CCT2: variants seen among roughly 807,000 people sequenced by gnomAD.
The protein encoded by CCT2 is T-complex protein 1 subunit beta.
CCT2 carries 18 observed loss-of-function variants against 61.8 expected under a neutral mutation model. That is an observed-to-expected ratio of 0.29 (90% CI 0.20 to 0.43). The LOEUF is 0.43. CCT2 is among the 20% of genes least tolerant of loss of function. The pLI, the probability that CCT2 is intolerant of heterozygous loss-of-function variation, is 1.00. For synonymous variants in CCT2, 248 were observed against 215.9 expected (o/e 1.15, Z -1.30); for missense variants, 556 against 656.9 (o/e 0.85, Z 1.68).
chr12:69,592,492 CAAA>C, intron 8 of CCT2: 8 of 159,642 alleles, frequency 5.0e-5, no homozygotes, highest in East Asian at 3.6e-4. Context: ...TCAAAAGTCT[CAAA>C]AAAAAAAAAA....
intron 3 of CCT2, 26 bp downstream of exon 3, chr12:69,586,844 T>G: frequency 6.9e-7 from 1 of 1,439,500 alleles, no homozygotes; most frequent in Non-Finnish European, 9.6e-7. Flanking sequence ...AAGTTTTATA[T>G]TTTAATATTG....
chr12:69,595,683 C>T (rs1432634919), intron 10 of CCT2, among the ~76,000 whole-genome samples: 6 of 96,732 alleles, frequency 6.2e-5, no homozygotes, highest in Admixed American at 2.6e-4. Flanking sequence ...AGCGAGACTC[C>T]GTCTCAAAAA....
intron 14 of CCT2, among the ~76,000 whole-genome samples, chr12:69,599,328 C>A (rs934160920): frequency 6.6e-6 from 1 of 152,162 alleles, no homozygotes; most frequent in Non-Finnish European, 1.5e-5. Context: ...ATCCTCCTGC[C>A]TCAGCCTCCC....
chr12:69,588,762 C>T (rs1881744602), intron 6 of CCT2, among the ~76,000 whole-genome samples: 1 of 152,136 alleles, frequency 6.6e-6, no homozygotes, highest in South Asian at 2.1e-4. Context: ...TTTTAAGGCA[C>T]CCCCAAACCT....
intron 9 of CCT2, 111 bp downstream of exon 9, chr12:69,593,214 C>T (rs994011581): frequency 2.1e-6 from 2 of 946,222 alleles, no homozygotes; most frequent in East Asian, 2.6e-5. Context: ...TAGATAACTT[C>T]ACTTAAATTA....
At chr12:69,595,706 A>AAC (rs1370447016) in intron 10 of CCT2, among the ~76,000 whole-genome samples, 8 of 151,684 alleles carry the variant, frequency 5.3e-5, no homozygotes, top group African/African-American at 1.9e-4. Context: ...AAAAAAAAAA[A>AAC]AGATGTAAGA....
Position 69,601,500 on chromosome 12 carries a change from C to G in CCT2, c.*175C>G. ...TCTAATTTATTTGCCGTGTCATTTT[C>G]CATACAAATCAGTTGATTTAAAAAA... is the stretch of plus-strand genomic sequence containing the variant. On this transcript the variant is annotated 3_prime_UTR_variant, in exon 16 of 16. Coordinates refer to ENST00000299300, the MANE Select transcript of CCT2 (RefSeq NM_006431.3). The G allele has an allele frequency of 1.4e-6, 2 of 1,458,346 alleles. No homozygotes were observed. Among genetic ancestry groups the G allele is most frequent in the South Asian group, 2.8e-5 (2 of 70,890 alleles). 90.3% of individuals were successfully genotyped at this position (1,458,346 alleles called of 1,614,324 possible).
rs760538203 is a variant in CCT2, at chr12:69,587,543, T to G, written c.183T>G (p.Leu61=). The part of the protein sequence containing the change: ...ILLSSGRDAS[L]MVTNDGATIL... The stretch of plus-strand genomic sequence containing the variant: ...TAAGCAGTGGACGAGATGCCTCTCT[T>G]ATGGTAACCAATGATGGTGCCACTA... Residue 61 remains leucine (L), a synonymous_variant, in exon 4 of 16, where the codon CTT becomes CTG. Coordinates refer to ENST00000299300, the MANE Select transcript of CCT2 (RefSeq NM_006431.3). The G allele has an allele frequency of 8.1e-6, 13 of 1,613,670 alleles. No individual in the cohort carries two copies. The highest frequency in any genetic ancestry group is 1.1e-5 in the Non-Finnish European group (13 of 1,179,688).
chr12:69,592,835 G>A lies in CCT2; in HGVS notation c.751-141G>A, dbSNP rs560992952. On this transcript the variant is annotated intron_variant, in intron 8 of 15. Coordinates refer to ENST00000299300, the MANE Select transcript of CCT2 (RefSeq NM_006431.3). ...CCCAGCTGCTTGGAAGGCTGAGGCA[G>A]GAGAATCACTTGAACCCAGCGGGTG... 1,365 of 622,226 alleles carry A rather than the reference G, an allele frequency of 2.2e-3. 4 individuals are homozygous for A. Among genetic ancestry groups the A allele is most frequent in the Non-Finnish European group, 3.1e-3 (1,187 of 376,832 alleles). The allele number at this position is 622,226 out of a possible 1,614,324, so 38.5% of individuals were successfully genotyped here. A position where few individuals can be genotyped will look rare whatever the true frequency, so the allele number is the denominator to read the frequency against.
chr12:69,586,985 A>C, intron 3 of CCT2, 167 bp downstream of exon 3: 2 of 492,108 alleles, frequency 4.1e-6, no homozygotes, highest in Non-Finnish European at 3.6e-6. Context: ...ACCATCCCCA[A>C]TCCCATGCCC....
chr12:69,594,311 A>G (rs35956654), intron 10 of CCT2, among the ~76,000 whole-genome samples: 29,616 of 152,144 alleles, frequency 0.19, 3,142 homozygotes, highest in Middle Eastern at 0.31. Flanking sequence ...TTGTAGTAGT[A>G]CAGTTACAAT....
At chr12:69,591,950 T>TA in intron 7 of CCT2, 109 bp from the exon 8 acceptor site, 1 of 636,656 alleles carries the variant, frequency 1.6e-6, no homozygotes, top group Non-Finnish European at 2.8e-6. Flanking sequence ...AAATTGGACT[T>TA]AAATAGCTTC....
chr12:69,597,326 C>G (rs367718077), intron 11 of CCT2, 51 bp downstream of exon 11: 2 of 1,602,034 alleles, frequency 1.2e-6, no homozygotes, highest in Non-Finnish European at 8.5e-7. Context: ...TTGCTAGGCT[C>G]TGTTGAAGTA....
In CCT2 at chr12:69,587,865, A is replaced by G. The variant is rs2135849899; in HGVS notation, c.257-65A>G. On this transcript the variant is annotated intron_variant, in intron 4 of 15. Transcript: ENST00000299300. ...CCTGGTAAGTTTAGATTGGTAGTGA[A>G]TATTTTTGGAGAATTTAGTAAGCAA... 3.2e-6 allele frequency: 4 copies of G among 1,264,114 alleles called. No individual in the cohort carries two copies. The East Asian group carries it at 9.2e-5, about 29-fold the overall frequency. The allele number at this position is 1,264,114 out of a possible 1,614,324, so 78.3% of individuals were successfully genotyped here. A position where few individuals can be genotyped will look rare whatever the true frequency, so the allele number is the denominator to read the frequency against.
intron 1 of CCT2, chr12:69,585,948 C>G (rs1651909277): frequency 1.6e-6 from 2 of 1,288,594 alleles, no homozygotes; most frequent in Admixed American, 3.6e-5. Context: ...GCAGGCGTCA[C>G]CTTGATGGCC....
At chr12:69,588,078 C>T in intron 5 of CCT2, 72 bp downstream of exon 5, 3 of 1,542,558 alleles carry the variant, frequency 1.9e-6, no homozygotes, top group Non-Finnish European at 2.7e-6. Context: ...TCCTTACTTC[C>T]TCTGTCTTTA....
At chr12:69,599,674 G>A (rs144132492) in intron 14 of CCT2, 189 bp from the exon 15 acceptor site, 97 of 393,358 alleles carry the variant, frequency 2.5e-4, no homozygotes, top group African/African-American at 2.0e-3. Context: ...GATGTGAGCC[G>A]CTGCACCCGG....
intron 3 of CCT2, 119 bp downstream of exon 3, chr12:69,586,937 G>C (rs1881682448): frequency 1.6e-6 from 1 of 609,696 alleles, no homozygotes; most frequent in Non-Finnish European, 2.7e-6. Flanking sequence ...TAAAAGACAA[G>C]TATGTTCTCC....
chr12:69,587,447 C>G, intron 3 of CCT2, 58 bp from the exon 4 acceptor site: 2 of 930,804 alleles, frequency 2.1e-6, no homozygotes, highest in Non-Finnish European at 3.5e-6. Flanking sequence ...ACTGATTGAT[C>G]CATGCATTCT....
Sources: gnomAD v4.1 joint callset for allele counts (sites outside exome capture counted in the v4.1 genomes callset) on GRCh38, gnomAD v4.1.1 for gene constraint, MANE v1.5 for transcripts, NCBI Gene and HGNC (gene_info 2026-07-23, HGNC 2026-07-21) for gene names.